The following ISM1 variants were observed in gnomAD, a reference collection of about 807,000 sequenced individuals.
The protein encoded by ISM1 is isthmin-1.
ISM1 carries 25 observed loss-of-function variants against 46.3 expected under a neutral mutation model. That is an observed-to-expected ratio of 0.54 (90% CI 0.39 to 0.75). ISM1 has a LOEUF of 0.75. ISM1 is among the 30% of genes least tolerant of loss of function. ISM1 has a pLI of 0.00. For synonymous variants in ISM1, 255 were observed against 256.7 expected (o/e 0.99, Z 0.06); for missense variants, 536 against 625.4 (o/e 0.86, Z 1.52).
At chr20:13,298,054 A>G (rs2040423675) in intron 5 of ISM1, among the ~76,000 whole-genome samples, 2 of 152,050 alleles carry the variant, frequency 1.3e-5, no homozygotes, top group South Asian at 4.2e-4. Flanking sequence ...GGCCTTTTCC[A>G]TCATATCATC....
In ISM1 at chr20:13,279,654, C is replaced by A; in HGVS notation, c.399C>A (p.Asp133Glu). The A allele has an allele frequency of 6.2e-7, 1 of 1,613,768 alleles. No homozygotes were observed. Residue 133 changes from aspartate to glutamate, a missense_variant, in exon 3 of 6, where the codon GAC becomes GAA. Asp to Glu is a conservative substitution (Grantham distance 45). This residue lies in a region of ISM1 where 367 missense variants were observed against 376.1 expected (regional missense o/e 0.98). Transcript: ENST00000262487. The stretch of plus-strand genomic sequence containing the variant: ...TTCAGGTCACCATAGAGGTGGTCGA[C>A]GGTCCTGACTCTGAAGCAGATAAAG... Reference protein sequence around the residue: ...PNIQVTIEVVDGPDSEADKDQ... With the variant: ...PNIQVTIEVVEGPDSEADKDQ...
At chr20:13,292,212 G>A (rs985576178) in intron 4 of ISM1, among the ~76,000 whole-genome samples, 162 bp from the exon 5 acceptor site, 2 of 152,122 alleles carry the variant, frequency 1.3e-5, no homozygotes, top group Non-Finnish European at 1.5e-5. Flanking sequence ...TCTGCACTAC[G>A]ACCTGCTTTT....
At chr20:13,225,380 A>G (rs2039511412) in intron 1 of ISM1, among the ~76,000 whole-genome samples, 1 of 152,202 alleles carries the variant, frequency 6.6e-6, no homozygotes, top group Non-Finnish European at 1.5e-5. Flanking sequence ...TTAACAATTT[A>G]CATTTTCAAA....
At chr20:13,242,536 AAGG>A (rs1330298614) in intron 1 of ISM1, among the ~76,000 whole-genome samples, 5 of 152,126 alleles carry the variant, frequency 3.3e-5, no homozygotes, top group Non-Finnish European at 7.4e-5. Context: ...TGGGAAGGTG[AAGG>A]AGGACAGGCT....
In ISM1 at chr20:13,299,143, T is replaced by G; in HGVS notation, c.1079T>G (p.Ile360Ser). The G allele has an allele frequency of 6.2e-7, 1 of 1,612,704 alleles. No individual in the cohort carries two copies. The highest frequency in any genetic ancestry group is 8.5e-7 in the Non-Finnish European group (1 of 1,179,488). ...AGCGGGCCCAAGGAGAAGCTGGAGA[T>G]CTACAAGCCCACTGCCCGGTACTGC... ...DASGPKEKLE[I>S]YKPTARYCIR... Residue 360 changes from isoleucine (I) to serine (S), a missense_variant, in exon 6 of 6, where the codon ATC becomes AGC. Physicochemically the swap from Ile to Ser is moderately radical, Grantham distance 142 (BLOSUM62 -2). Transcript: ENST00000262487. The surrounding 1 kb of genome is among the most constrained non-coding windows in gnomAD (Gnocchi z 5.8).
chr20:13,238,322 G>A (rs575078590), intron 1 of ISM1, among the ~76,000 whole-genome samples: 5 of 152,116 alleles, frequency 3.3e-5, no homozygotes, highest in Non-Finnish European at 7.4e-5. Context: ...TCTTGAGAAG[G>A]TCATTAATGA....
chr20:13,240,564 G>T lies in ISM1; in HGVS notation c.138+18650G>T, dbSNP rs148436812. On this transcript the variant is annotated intron_variant, in intron 1 of 5. Transcript: ENST00000262487. Reference sequence around the variant, plus strand: ...GTGTGTAAGGAAGAAAGTGGCACATGAACTTGCAGAAAAAAGCAAGGATTT... The same window carrying T: ...GTGTGTAAGGAAGAAAGTGGCACATTAACTTGCAGAAAAAAGCAAGGATTT... 1.4e-4 allele frequency among the ~76,000 whole-genome samples: 22 copies of T among 152,340 alleles called. No individual in the cohort carries two copies. In the East Asian group the frequency reaches 3.8e-3, roughly 27 times the overall value.
At chr20:13,316,860 A>T in the ISM1 span, among the ~76,000 whole-genome samples, 1 of 151,946 alleles carries the variant, frequency 6.6e-6, no homozygotes, top group Non-Finnish European at 1.5e-5. Flanking sequence ...AAGCTTTCCC[A>T]CTAAGATTAG....
At chr20:13,307,703 G>A in the ISM1 span, among the ~76,000 whole-genome samples, 1 of 152,174 alleles carries the variant, frequency 6.6e-6, no homozygotes, top group Admixed American at 6.5e-5. Flanking sequence ...CGCTCTGTGA[G>A]GTCTGGCATA....
chr20:13,242,761 G>T (rs1358338579), intron 1 of ISM1, among the ~76,000 whole-genome samples: 2 of 152,100 alleles, frequency 1.3e-5, no homozygotes, highest in Non-Finnish European at 1.5e-5. Context: ...CTTGAGCCTT[G>T]ATAGGTGAGG....
chr20:13,295,215 CCTG>C (rs2123328023), intron 5 of ISM1, among the ~76,000 whole-genome samples: 1 of 152,300 alleles, frequency 6.6e-6, no homozygotes, highest in East Asian at 1.9e-4. Flanking sequence ...TCTGATCCCA[CCTG>C]CTGTTTCCTC....
intron 5 of ISM1, among the ~76,000 whole-genome samples, chr20:13,296,066 C>G (rs1311002843): frequency 6.6e-6 from 1 of 152,160 alleles, no homozygotes; most frequent in Non-Finnish European, 1.5e-5. Flanking sequence ...TTGCCTTTGC[C>G]TCCCTTAATG....
downstream of ISM1, among the ~76,000 whole-genome samples, chr20:13,302,665 T>C (rs1045621930): frequency 6.6e-6 from 1 of 152,136 alleles, no homozygotes; most frequent in African/African-American, 2.4e-5. Flanking sequence ...CTCGTTGCAG[T>C]CCTTGTAAAT....
chr20:13,266,509 C>CTGG (rs1449814304), intron 1 of ISM1, among the ~76,000 whole-genome samples: 1 of 152,084 alleles, frequency 6.6e-6, no homozygotes, highest in African/African-American at 2.4e-5. Flanking sequence ...AACATTGCTG[C>CTGG]TGGTGCTGCA....
intron 1 of ISM1, among the ~76,000 whole-genome samples, chr20:13,258,816 C>G (rs2039955405): frequency 6.6e-6 from 1 of 152,068 alleles, no homozygotes; most frequent in Non-Finnish European, 1.5e-5. Context: ...CCATAAGGAC[C>G]CTCACAGGAG....
chr20:13,298,178 T>G (rs1225849179), intron 5 of ISM1, among the ~76,000 whole-genome samples: 3 of 152,246 alleles, frequency 2.0e-5, no homozygotes, highest in Non-Finnish European at 4.4e-5. Context: ...CAATCTCAGC[T>G]CACTGCAACC....
Position 13,224,200 on chromosome 20 carries a change from C to A in ISM1, c.138+2286C>A, listed in dbSNP as rs899420145. On this transcript the variant is annotated intron_variant, in intron 1 of 5. Transcript: ENST00000262487. ...CACTCAATGCACACACTTTTCCAAG[C>A]AGAATGATGAGTTTAGCAGTTTAGT... 2.0e-5 allele frequency among the ~76,000 whole-genome samples: 3 copies of A among 152,108 alleles called. No homozygotes were observed. In the East Asian group the frequency reaches 5.8e-4, roughly 29 times the overall value.
intron 2 of ISM1, among the ~76,000 whole-genome samples, chr20:13,272,735 T>A (rs2040130070): frequency 1.3e-5 from 2 of 152,198 alleles, no homozygotes; most frequent in Admixed American, 1.3e-4. Context: ...CCACGTGGTG[T>A]GATAAAGAGC....
intron 2 of ISM1, among the ~76,000 whole-genome samples, chr20:13,278,151 C>T (rs1211913183): frequency 2.0e-5 from 3 of 152,170 alleles, no homozygotes; most frequent in Non-Finnish European, 4.4e-5. Flanking sequence ...TATGCGATGG[C>T]CAAAGGAACC....
Sources: gnomAD v4.1 joint callset for allele counts (sites outside exome capture counted in the v4.1 genomes callset) on GRCh38, gnomAD v4.1.1 for gene constraint, gnomAD v4.1.1 regional missense constraint, Gnocchi (gnomAD v3.1) non-coding constraint, MANE v1.5 for transcripts, NCBI Gene and HGNC (gene_info 2026-07-23, HGNC 2026-07-21) for gene names.